SASS6: variants seen among roughly 807,000 people sequenced by gnomAD.
The protein encoded by SASS6 is spindle assembly abnormal protein 6 homolog.
In SASS6, 59 loss-of-function variants were observed where a neutral mutation model predicts 94.9. That is an observed-to-expected ratio of 0.62 (90% CI 0.50 to 0.77). The LOEUF (loss-of-function observed/expected upper bound fraction) is 0.77, where lower values mean the gene tolerates loss of function less well. Ranked by LOEUF, SASS6 falls within the 30% of genes least tolerant of loss-of-function variation. The pLI is 0.00. For missense variants in SASS6, 698 were observed against 734.1 expected (o/e 0.95, Z 0.57); for synonymous variants, 264 against 270.0 (o/e 0.98, Z 0.22).
intron 7 of SASS6, 37 bp from the exon 8 acceptor site, chr1:100,110,520 G>A: frequency 1.8e-6 from 2 of 1,106,012 alleles, no homozygotes; most frequent in African/African-American, 1.6e-5. Context: ...AAAATTCAAA[G>A]AAAAAAATCA....
At chr1:100,132,623 T>TC (rs1367476525) in intron 1 of SASS6, 127 bp downstream of exon 1, 1 of 819,736 alleles carries the variant, frequency 1.2e-6, no homozygotes, top group Non-Finnish European at 2.1e-6. Flanking sequence ...GGGTTCCCTA[T>TC]CCGCTTCCTA....
chr1:100,124,145 G>A (rs1654399864), intron 2 of SASS6, among the ~76,000 whole-genome samples: 1 of 152,190 alleles, frequency 6.6e-6, no homozygotes, highest in African/African-American at 2.4e-5. Context: ...AGAAAATGAA[G>A]AGGTACAGCA....
rs1655082330 is a variant in SASS6, at chr1:100,132,081, TTA to T, written c.65+667_65+668del. Among the ~76,000 whole-genome samples the T allele has an allele frequency of 7.9e-5, 12 of 152,348 alleles. No individual in the cohort carries two copies. In the South Asian group the frequency reaches 2.5e-3, roughly 32 times the overall value. On this transcript the variant is annotated intron_variant, in intron 1 of 16. Coordinates refer to ENST00000287482, the MANE Select transcript of SASS6 (RefSeq NM_194292.3). ...TTGCACTTCTCTGTGCGACTGGTCTTTATTTCCTCCAGTGATTGTAAACTCCA... is the reference window on the plus strand; with the variant it reads ...TTGCACTTCTCTGTGCGACTGGTCTTTTTCCTCCAGTGATTGTAAACTCCA...
intron 7 of SASS6, among the ~76,000 whole-genome samples, chr1:100,117,010 A>G (rs538936503): frequency 6.6e-6 from 1 of 152,250 alleles, no homozygotes; most frequent in Non-Finnish European, 1.5e-5. Flanking sequence ...AAGAAGCTAT[A>G]AGGCTGGGCA....
intron 1 of SASS6, among the ~76,000 whole-genome samples, chr1:100,127,527 T>C (rs1654708177): frequency 6.6e-6 from 1 of 152,246 alleles, no homozygotes; most frequent in African/African-American, 2.4e-5. Flanking sequence ...TAAGGTTAAA[T>C]GTTACCTCAT....
At chr1:100,103,689 A>C (rs1474546191) in intron 13 of SASS6, among the ~76,000 whole-genome samples, 1 of 152,204 alleles carries the variant, frequency 6.6e-6, no homozygotes, top group Non-Finnish European at 1.5e-5. Flanking sequence ...TCAAATTTTA[A>C]GCCGGACAAA....
chr1:100,093,215 T>C (rs1412582830), intron 14 of SASS6, among the ~76,000 whole-genome samples: 1 of 138,394 alleles, frequency 7.2e-6, no homozygotes, highest in African/African-American at 2.7e-5. Flanking sequence ...CCTCTCACTC[T>C]ATTGCCCAGG....
chr1:100,120,082 G>A (rs1654059131), intron 6 of SASS6, among the ~76,000 whole-genome samples: 1 of 152,232 alleles, frequency 6.6e-6, no homozygotes, highest in Non-Finnish European at 1.5e-5. Context: ...ATTTAGGCCA[G>A]AGGAATGAGG....
rs139643601 is a variant in SASS6 at position 100,132,815 on chromosome 1, G to A, written c.-1C>T. On this transcript the variant is annotated 5_prime_UTR_variant, in exon 1 of 17. Transcript: ENST00000287482. ...GTTGGTGGAACAGCACTTGGCTCAT[G>A]TTGGCTCGCTGCCTCGGCTGGTGTG... 4 of 1,613,938 alleles carry A rather than the reference G, an allele frequency of 2.5e-6. No individual in the cohort carries two copies. The East Asian group carries it at 8.9e-5, about 36-fold the overall frequency.
At chr1:100,116,768 C>G (rs998341977) in intron 7 of SASS6, among the ~76,000 whole-genome samples, 1 of 152,058 alleles carries the variant, frequency 6.6e-6, no homozygotes, top group African/African-American at 2.4e-5. Context: ...TCCATTTACA[C>G]AAAGTTCAAG....
intron 14 of SASS6, among the ~76,000 whole-genome samples, chr1:100,100,809 T>C (rs567225996): frequency 6.6e-6 from 1 of 152,316 alleles, no homozygotes; most frequent in African/African-American, 2.4e-5. Flanking sequence ...AGCACAAAAC[T>C]ACCTAGATCA....
intron 13 of SASS6, 122 bp from the exon 14 acceptor site, chr1:100,103,205 C>T: frequency 5.1e-6 from 3 of 583,394 alleles, no homozygotes; most frequent in East Asian, 3.0e-5. Flanking sequence ...ATCTCAGACG[C>T]CAGTCTTGTT....
chr1:100,093,640 T>C (rs1651915859), intron 14 of SASS6, among the ~76,000 whole-genome samples: 1 of 151,932 alleles, frequency 6.6e-6, no homozygotes, highest in African/African-American at 2.4e-5. Context: ...TGTGCACCTG[T>C]AGTCCCAGCT....
chr1:100,099,706 A>T (rs575617951), intron 14 of SASS6, among the ~76,000 whole-genome samples: 1 of 152,304 alleles, frequency 6.6e-6, no homozygotes, highest in East Asian at 1.9e-4. Flanking sequence ...AAGGGTTAGA[A>T]TGAAAAGCTG....
intron 2 of SASS6, among the ~76,000 whole-genome samples, chr1:100,124,122 T>C (rs1654398423): frequency 6.6e-6 from 1 of 152,172 alleles, no homozygotes; most frequent in Non-Finnish European, 1.5e-5. Context: ...CTAAACCACT[T>C]ATGCACCAAG....
chr1:100,116,592 A>G (rs1653817384), intron 7 of SASS6, among the ~76,000 whole-genome samples: 1 of 152,234 alleles, frequency 6.6e-6, no homozygotes, highest in Non-Finnish European at 1.5e-5. Flanking sequence ...GAATGTTAAT[A>G]GCAGTTTAAC....
At chr1:100,120,274 T>C in intron 6 of SASS6, 120 bp downstream of exon 6, 1 of 609,750 alleles carries the variant, frequency 1.6e-6, no homozygotes, top group Non-Finnish European at 3.0e-6. Context: ...CAAAGAGGAA[T>C]GGAAATTCAA....
chr1:100,120,247 T>C (rs1283453044), intron 6 of SASS6, 147 bp downstream of exon 6: 75 of 575,642 alleles, frequency 1.3e-4, no homozygotes, highest in Non-Finnish European at 1.4e-4. Flanking sequence ...GATAATTAAG[T>C]GGTAGTTGAA....
intron 7 of SASS6, among the ~76,000 whole-genome samples, chr1:100,113,070 T>A (rs1653470275): frequency 6.6e-6 from 1 of 152,194 alleles, no homozygotes; most frequent in Non-Finnish European, 1.5e-5. Flanking sequence ...AATGCCCTTA[T>A]GAAGAAACTT....
Sources: allele counts gnomAD v4.1 joint callset (sites outside exome capture counted in the v4.1 genomes callset), GRCh38; gene constraint gnomAD v4.1.1; transcripts MANE v1.5; gene names NCBI Gene and HGNC (gene_info 2026-07-23, HGNC 2026-07-21).